Variants in NLGN1 observed in about 807,000 individuals in gnomAD.
NLGN1 encodes neuroligin-1.
In NLGN1, 12 loss-of-function variants were observed where a neutral mutation model predicts 65.5. That is an observed-to-expected ratio of 0.18 (90% CI 0.12 to 0.30). The LOEUF (loss-of-function observed/expected upper bound fraction) is 0.30. Among genes scored for constraint, NLGN1 ranks in the 10% least tolerant of loss-of-function variants. The probability of loss-of-function intolerance (pLI) is 1.00; values close to 1 mark genes in which losing one functional copy is unlikely to be tolerated. For missense variants in NLGN1, 750 were observed against 1,007.1 expected (o/e 0.74, Z 3.46); for synonymous variants, 350 against 359.5 (o/e 0.97, Z 0.30).
chr3:173,750,812 A>G (rs1453394879), intron 3 of NLGN1, among the ~76,000 whole-genome samples: 3 of 152,072 alleles, frequency 2.0e-5, no homozygotes, highest in African/African-American at 7.2e-5. Context: ...TAAGGTCTAA[A>G]CTCCAGCTCT....
chr3:173,495,770 T>C lies in NLGN1; in HGVS notation c.-321+60692T>C, dbSNP rs1448590904. ...GTATTATCATAATCAAGATACAGTATATTAAACATCTCCACAAATTTCTCT... is the reference window on the plus strand; with the variant it reads ...GTATTATCATAATCAAGATACAGTACATTAAACATCTCCACAAATTTCTCT... On this transcript the variant is annotated intron_variant, in intron 2 of 6. Transcript: ENST00000457714. Among the ~76,000 whole-genome samples the C allele has an allele frequency of 1.3e-5, 2 of 150,914 alleles. 1 individual carries two copies. Among genetic ancestry groups the C allele is most frequent in the African/African-American group, 4.9e-5 (2 of 40,680 alleles).
chr3:173,925,650 A>G (rs1002421904), intron 4 of NLGN1, among the ~76,000 whole-genome samples: 1 of 152,220 alleles, frequency 6.6e-6, no homozygotes, highest in African/African-American at 2.4e-5. Context: ...AGCAAAGGCC[A>G]GGGAGCCTGT....
intron 4 of NLGN1, among the ~76,000 whole-genome samples, chr3:174,174,012 G>A (rs752183094): frequency 6.6e-5 from 10 of 151,938 alleles, no homozygotes; most frequent in Non-Finnish European, 1.2e-4. Context: ...AAAGTCCACT[G>A]TGTCTTTCTT....
intron 4 of NLGN1, among the ~76,000 whole-genome samples, chr3:174,215,704 G>C (rs1469424761): frequency 2.6e-5 from 4 of 152,084 alleles, no homozygotes; most frequent in Non-Finnish European, 1.5e-5. Flanking sequence ...TAATTCAAAT[G>C]AACGAGTCAG....
Position 174,062,051 on chromosome 3 carries a change from G to C in NLGN1, c.647-213264G>C, listed in dbSNP as rs1028056274. ...CTAAATTCATACATGTGAATGCTTG[G>C]GGGGGAAGAAACTGTAAGAAAGCTT... On this transcript the variant is annotated intron_variant, in intron 4 of 6. Coordinates refer to ENST00000457714, the Ensembl canonical transcript of NLGN1. 3.9e-5 allele frequency among the ~76,000 whole-genome samples: 6 copies of C among 152,002 alleles called. No homozygotes were observed. The South Asian group carries it at 6.2e-4, about 16-fold the overall frequency.
intron 2 of NLGN1, among the ~76,000 whole-genome samples, chr3:173,471,868 T>C (rs13081913): frequency 0.5 from 75,511 of 151,932 alleles, 20,863 homozygotes; most frequent in East Asian, 0.84. Context: ...AATTCCTATC[T>C]AAATAGATAG....
chr3:173,849,204 G>C (rs562169789), intron 4 of NLGN1, among the ~76,000 whole-genome samples: 146 of 151,980 alleles, frequency 9.6e-4, no homozygotes, highest in African/African-American at 3.4e-3. Flanking sequence ...AATTAATGAC[G>C]GTATTTTTTT....
intron 4 of NLGN1, among the ~76,000 whole-genome samples, chr3:174,012,064 T>G (rs896494642): frequency 2.0e-5 from 3 of 152,172 alleles, no homozygotes; most frequent in Non-Finnish European, 4.4e-5. Context: ...CAGTCTAATG[T>G]AAGCTCAGAG....
chr3:173,961,677 A>G (rs1013224135), intron 4 of NLGN1, among the ~76,000 whole-genome samples: 3 of 152,056 alleles, frequency 2.0e-5, no homozygotes, highest in Non-Finnish European at 2.9e-5. Flanking sequence ...GGGTACCTCA[A>G]AAATGTGGAT....
At chr3:174,156,355 G>A (rs1406373907) in intron 4 of NLGN1, among the ~76,000 whole-genome samples, 1 of 151,876 alleles carries the variant, frequency 6.6e-6, no homozygotes, top group East Asian at 1.9e-4. Flanking sequence ...GCTCCCCGAA[G>A]TATGTTCAGC....
intron 4 of NLGN1, among the ~76,000 whole-genome samples, chr3:173,926,673 A>AC (rs1195599338): frequency 6.6e-6 from 1 of 152,182 alleles, no homozygotes; most frequent in African/African-American, 2.4e-5. Context: ...CTTATATCGC[A>AC]CCTTGTAATG....
At chr3:173,946,307 T>C (rs1560698263) in intron 4 of NLGN1, among the ~76,000 whole-genome samples, 1 of 152,168 alleles carries the variant, frequency 6.6e-6, no homozygotes, top group Non-Finnish European at 1.5e-5. Flanking sequence ...TAATGATTTG[T>C]GTTTGGTTGT....
At chr3:173,652,765 C>T (rs1577751788) in intron 3 of NLGN1, among the ~76,000 whole-genome samples, 1 of 152,058 alleles carries the variant, frequency 6.6e-6, no homozygotes, top group South Asian at 2.1e-4. Context: ...AGGATGTTTT[C>T]TCTAATTCTT....
intron 3 of NLGN1, among the ~76,000 whole-genome samples, chr3:173,693,936 T>G (rs2149837306): frequency 6.6e-6 from 1 of 152,136 alleles, no homozygotes; most frequent in Admixed American, 6.5e-5. Context: ...CAAATTAAAA[T>G]TTTAGGGAAA....
intron 3 of NLGN1, among the ~76,000 whole-genome samples, chr3:173,632,792 A>G (rs141110586): frequency 6.7e-6 from 1 of 149,462 alleles, no homozygotes; most frequent in African/African-American, 2.5e-5. Context: ...TTGTGGATTC[A>G]TTGTATAAAT....
At chr3:174,203,684 T>A (rs1295572953) in intron 4 of NLGN1, among the ~76,000 whole-genome samples, 1 of 152,182 alleles carries the variant, frequency 6.6e-6, no homozygotes, top group Non-Finnish European at 1.5e-5. Flanking sequence ...GATGCCATCT[T>A]ATGTGAATAT....
At chr3:173,539,487 A>ATATG (rs1403025369) in intron 2 of NLGN1, among the ~76,000 whole-genome samples, 1 of 144,360 alleles carries the variant, frequency 6.9e-6, no homozygotes, top group Non-Finnish European at 1.5e-5. Context: ...ATATGCATGT[A>ATATG]TATGTATGTA....
At chr3:173,497,347 C>T (rs1446579274) in intron 2 of NLGN1, among the ~76,000 whole-genome samples, 1 of 150,838 alleles carries the variant, frequency 6.6e-6, no homozygotes, top group African/African-American at 2.4e-5. Context: ...AAGAGCATGC[C>T]ACTGCACTCC....
intron 4 of NLGN1, among the ~76,000 whole-genome samples, chr3:174,025,379 A>T (rs1197842536): frequency 1.3e-5 from 2 of 152,194 alleles, no homozygotes; most frequent in African/African-American, 4.8e-5. Context: ...GACTATAAGG[A>T]TATTAAAATA....
Sources: gnomAD v4.1 joint callset for allele counts (sites outside exome capture counted in the v4.1 genomes callset) on GRCh38, gnomAD v4.1.1 for gene constraint, MANE v1.5 for transcripts, NCBI Gene and HGNC (gene_info 2026-07-23, HGNC 2026-07-21) for gene names.